KDM1A: variants seen among roughly 807,000 people sequenced by gnomAD.
KDM1A encodes the protein lysine-specific histone demethylase 1A.
In KDM1A, 49 loss-of-function variants were observed where a neutral mutation model predicts 109.4. That is an observed-to-expected ratio of 0.45 (90% CI 0.36 to 0.57). The LOEUF (loss-of-function observed/expected upper bound fraction) is 0.57. Ranked by LOEUF, KDM1A falls within the 20% of genes least tolerant of loss-of-function variation. The pLI is 0.00. For synonymous variants in KDM1A, 380 were observed against 415.4 expected (o/e 0.91, Z 1.04); for missense variants, 668 against 1,116.6 (o/e 0.60, Z 5.73).
At chr1:23,061,012 C>G (rs1236952258) in intron 9 of KDM1A, among the ~76,000 whole-genome samples, 2 of 152,120 alleles carry the variant, frequency 1.3e-5, no homozygotes, top group African/African-American at 4.8e-5. Context: ...GAATGTAGAG[C>G]AGGTTGATTA....
At chr1:23,076,817 C>T (rs1030145530) in intron 15 of KDM1A, among the ~76,000 whole-genome samples, 2 of 151,930 alleles carry the variant, frequency 1.3e-5, no homozygotes, top group African/African-American at 4.8e-5. Flanking sequence ...CAAAAACTAG[C>T]GGGGTGTGGT....
At position 23,053,559 on chromosome 1, in the gene KDM1A, T is replaced by C. The variant is rs538963890; in HGVS notation, c.712-202T>C. On this transcript the variant is annotated intron_variant, in intron 4 of 20. Transcript: ENST00000400181. ...TGCCACCATACCCAGCCAGTTTTTA[T>C]ATTTTTAGTTGAGATGGGGTCTCAC... 5.3e-5 allele frequency among the ~76,000 whole-genome samples: 8 copies of C among 152,264 alleles called. No homozygotes were observed. In the South Asian group the frequency reaches 1.2e-3, roughly 24 times the overall value.
chr1:23,021,682 G>A (rs1178055011), intron 1 of KDM1A, among the ~76,000 whole-genome samples: 1 of 151,988 alleles, frequency 6.6e-6, no homozygotes, highest in Non-Finnish European at 1.5e-5. Context: ...CAAAAAAACA[G>A]GCTTATTGGG....
At chr1:23,046,159 A>G (rs759705415) in intron 3 of KDM1A, among the ~76,000 whole-genome samples, 28 of 152,144 alleles carry the variant, frequency 1.8e-4, no homozygotes, top group Admixed American at 6.5e-4. Flanking sequence ...CCAGCAATAC[A>G]CCAGCAGTTC....
intron 15 of KDM1A, among the ~76,000 whole-genome samples, chr1:23,076,320 T>A (rs1384411259): frequency 1.3e-5 from 2 of 152,176 alleles, no homozygotes; most frequent in Non-Finnish European, 2.9e-5. Context: ...TTGGGGATCT[T>A]TAAATTCCTG....
intron 10 of KDM1A, 75 bp from the exon 11 acceptor site, chr1:23,068,464 T>C (rs952120813): frequency 8.0e-7 from 1 of 1,243,974 alleles, no homozygotes; most frequent in Non-Finnish European, 1.1e-6. Context: ...TTATAAACTA[T>C]AGAGCATTTG....
chr1:23,070,132 TG>T (rs1445715215), intron 12 of KDM1A, among the ~76,000 whole-genome samples: 2 of 152,272 alleles, frequency 1.3e-5, no homozygotes, highest in Non-Finnish European at 2.9e-5. Flanking sequence ...TTGTCCTGTG[TG>T]GTATCATCAG....
chr1:23,044,182 A>G, intron 2 of KDM1A: 1 of 407,278 alleles, frequency 2.5e-6, no homozygotes, highest in South Asian at 2.3e-5. Context: ...GTGATTAGAA[A>G]TACTATGTAC....
intron 2 of KDM1A, among the ~76,000 whole-genome samples, chr1:23,034,069 T>C (rs1040826378): frequency 3.3e-5 from 5 of 152,344 alleles, no homozygotes; most frequent in Admixed American, 2.0e-4. Flanking sequence ...GACCTAAATA[T>C]TGTTTTTAGA....
chr1:23,038,076 G>A (rs1642200996), intron 2 of KDM1A, among the ~76,000 whole-genome samples: 1 of 152,152 alleles, frequency 6.6e-6, no homozygotes, highest in Non-Finnish European at 1.5e-5. Flanking sequence ...TATTTATTAA[G>A]CAGAGTTGAT....
chr1:23,058,966 G>A (rs906468182), intron 8 of KDM1A, 107 bp from the exon 9 acceptor site: 1 of 612,098 alleles, frequency 1.6e-6, no homozygotes, highest in Non-Finnish European at 2.6e-6. Flanking sequence ...ATTACATACT[G>A]TAAGCTTTTG....
At chr1:23,024,602 T>C (rs1352791839) in intron 1 of KDM1A, among the ~76,000 whole-genome samples, 2 of 152,224 alleles carry the variant, frequency 1.3e-5, no homozygotes, top group Admixed American at 6.5e-5. Context: ...CTTTTGGGCA[T>C]GTGTATGCTA....
At chr1:23,081,863 G>A (rs539882644) in intron 19 of KDM1A, 36 of 436,688 alleles carry the variant, frequency 8.2e-5, no homozygotes, top group East Asian at 5.0e-4. Flanking sequence ...GAGTATCTCC[G>A]GGAAGTTTTC....
intron 2 of KDM1A, among the ~76,000 whole-genome samples, chr1:23,043,850 AGT>A (rs752090567): frequency 3.1e-4 from 47 of 152,236 alleles, no homozygotes; most frequent in Non-Finnish European, 5.9e-4. Flanking sequence ...ACACACACAC[AGT>A]GTCTTATTGT....
At chr1:23,071,715 T>C (rs991153773) in intron 13 of KDM1A, among the ~76,000 whole-genome samples, 3 of 152,202 alleles carry the variant, frequency 2.0e-5, no homozygotes, top group African/African-American at 7.2e-5. Flanking sequence ...TTGGACTCCT[T>C]AATTGCCTCA....
rs1445086252 is a variant in KDM1A, at chr1:23,063,238, GT to G, written c.1168-2821del. On this transcript the variant is annotated intron_variant, in intron 9 of 20. Coordinates refer to ENST00000400181, the MANE Select transcript of KDM1A (RefSeq NM_001009999.3). Reference sequence around the variant, plus strand: ...GTGGGGTGGGTGTGTGTGGGTGTGTGTGTGTGTGTGTGTGTGTACCAGCTGA... The same window carrying G: ...GTGGGGTGGGTGTGTGTGGGTGTGTGGTGTGTGTGTGTGTGTACCAGCTGA... Among the ~76,000 whole-genome samples the G allele has an allele frequency of 1.9e-3, 254 of 136,752 alleles. 7 individuals carry two copies. The highest frequency in any genetic ancestry group is 6.5e-3 in the African/African-American group (240 of 37,114). The allele number at this position is 136,752 out of a possible 152,430, so 89.7% of individuals were successfully genotyped here. A position where few individuals can be genotyped will look rare whatever the true frequency, so the allele number is the denominator to read the frequency against.
At chr1:23,050,625 C>A in intron 4 of KDM1A, 105 bp downstream of exon 4, 1 of 879,798 alleles carries the variant, frequency 1.1e-6, no homozygotes, top group Non-Finnish European at 1.6e-6. Context: ...CTAAAATTAT[C>A]TATAATACTA....
intron 19 of KDM1A, 83 bp downstream of exon 19, chr1:23,081,656 G>C (rs1643624765): frequency 6.6e-7 from 1 of 1,511,864 alleles, no homozygotes; most frequent in Non-Finnish European, 9.1e-7. Flanking sequence ...TTCTTGGTCA[G>C]GACAGTTTAA....
intron 2 of KDM1A, among the ~76,000 whole-genome samples, chr1:23,042,223 T>C (rs1642356794): frequency 6.6e-6 from 1 of 152,082 alleles, no homozygotes; most frequent in African/African-American, 2.4e-5. Context: ...AGACTGTCAC[T>C]TTTATTTTTG....
Sources: gnomAD v4.1 joint callset for allele counts (sites outside exome capture counted in the v4.1 genomes callset) on GRCh38, gnomAD v4.1.1 for gene constraint, MANE v1.5 for transcripts, NCBI Gene and HGNC (gene_info 2026-07-23, HGNC 2026-07-21) for gene names.